NTAN1: variants seen among roughly 807,000 people sequenced by gnomAD.
NTAN1 encodes protein N-terminal asparagine amidohydrolase.
A neutral mutation model predicts 41.9 loss-of-function variants in NTAN1; 32 were observed. The ratio of observed to expected loss-of-function variants is 0.76; its 90% confidence interval spans 0.58 to 1.03. NTAN1 has a LOEUF of 1.03. Ranked by LOEUF, NTAN1 falls within the 50% of genes least tolerant of loss-of-function variation. The pLI, the probability that NTAN1 is intolerant of heterozygous loss-of-function variation, is 0.00. For missense variants in NTAN1, 377 were observed against 377.5 expected, an observed-to-expected ratio of 1.00 and a Z score of 0.01; for synonymous variants, 140 against 139.5, an observed-to-expected ratio of 1.00 and a Z score of -0.03.
Position 15,052,011 on chromosome 16 carries a change from TA to T in NTAN1, c.81+3879del, listed in dbSNP as rs879576261. ...TATGCTCTAGACACTAATATTTGCT[TA>T]AAAAAAAAAAAGCTTTTCCCTCAGT... On this transcript the variant is annotated intron_variant, in intron 1 of 9. Coordinates refer to ENST00000287706, the MANE Select transcript of NTAN1 (RefSeq NM_173474.4). Among the ~76,000 whole-genome samples the T allele has an allele frequency of 5.6e-3, 804 of 142,850 alleles. 3 individuals carry two copies. Among genetic ancestry groups the T allele is most frequent in the Middle Eastern group, 0.021 (6 of 280 alleles). 93.7% of individuals were successfully genotyped at this position (142,850 alleles called of 152,430 possible).
chr16:15,040,841 G>A (rs773546448), intron 7 of NTAN1, among the ~76,000 whole-genome samples: 8 of 152,132 alleles, frequency 5.3e-5, no homozygotes, highest in Admixed American at 3.9e-4. Context: ...TTGCTACCAC[G>A]TTGCTTCTTC....
At chr16:15,045,562 A>C (rs193115265) in intron 4 of NTAN1, 5 of 152,338 alleles carry the variant, frequency 3.3e-5, no homozygotes, top group African/African-American at 1.2e-4. Context: ...GCTTCAGCCC[A>C]GAAGTTTGAG....
chr16:15,056,049 G>A lies in NTAN1; in HGVS notation c.-78C>T, dbSNP rs943079880. 3 of 571,344 alleles carry A rather than the reference G, an allele frequency of 5.3e-6. No homozygotes were observed. Among genetic ancestry groups the A allele is most frequent in the African/African-American group, 4.0e-5 (2 of 49,588 alleles). 35.4% of individuals were successfully genotyped at this position (571,344 alleles called of 1,614,324 possible). ...CAGCCCCGGGCCGCCCGCCGCCCCCGCCCCTCGGGCCGCGCGTCCCGCCTC... is the reference window on the plus strand; with the variant it reads ...CAGCCCCGGGCCGCCCGCCGCCCCCACCCCTCGGGCCGCGCGTCCCGCCTC... On this transcript the variant is annotated 5_prime_UTR_variant, in exon 1 of 10. Transcript: ENST00000287706.
intron 1 of NTAN1, among the ~76,000 whole-genome samples, chr16:15,054,047 T>C (rs748998768): frequency 1.3e-5 from 2 of 152,236 alleles, no homozygotes; most frequent in Non-Finnish European, 2.9e-5. Flanking sequence ...GTAAGGTTAC[T>C]TTCCATGCTT....
Position 15,041,104 on chromosome 16 carries a change from C to T in NTAN1, c.505G>A (p.Glu169Lys). ...ATTACTGGAAAGTGGTTTTCGTTTT[C>T]TTCCCGGTCATTTAATTCTACAAAA... Reference protein sequence around the residue: ...LCVTELNDREENENHFPVIYG... With the variant: ...LCVTELNDREKNENHFPVIYG... Residue 169 changes from glutamate to lysine, a missense_variant, in exon 7 of 10, where the codon GAA becomes AAA. By Grantham distance (56) the Glu-to-Lys change is moderately conservative (BLOSUM62 1). Transcript: ENST00000287706. 1 of 1,582,758 alleles carries T rather than the reference C, an allele frequency of 6.3e-7. No homozygotes were observed. The highest frequency in any genetic ancestry group is 8.7e-7 in the Non-Finnish European group (1 of 1,151,344).
chr16:15,040,808 T>G (rs1344396742), intron 7 of NTAN1, among the ~76,000 whole-genome samples: 2 of 152,036 alleles, frequency 1.3e-5, no homozygotes, highest in African/African-American at 4.8e-5. Context: ...CTGGGAAGGG[T>G]GGGCATGGCC....
At position 15,055,921 on chromosome 16, in the gene NTAN1, C is replaced by G. The variant is rs1009773057; in HGVS notation, c.51G>C (p.Gly17=). The G allele has an allele frequency of 6.7e-5, 83 of 1,232,746 alleles. No homozygotes were observed. The highest frequency in any genetic ancestry group is 7.9e-5 in the Non-Finnish European group (78 of 987,666). The allele number at this position is 1,232,746 out of a possible 1,614,324, so 76.4% of individuals were successfully genotyped here. Residue 17 remains glycine (G), a synonymous_variant, in exon 1 of 10, where the codon GGG becomes GGC. Transcript: ENST00000287706. ...AAGGCGGGTGGGCTCGGACGAGGTC[C>G]CCGGCTGACTGCGGCAGCCGCACTC... The part of the protein sequence containing the change: ...GRRVRLPQSA[G]DLVRAHPPLE...
At chr16:15,046,833 C>T (rs967362456) in intron 4 of NTAN1, among the ~76,000 whole-genome samples, 8 of 151,604 alleles carry the variant, frequency 5.3e-5, no homozygotes, top group Admixed American at 2.0e-4. Flanking sequence ...TGAGATCACA[C>T]AACTGTGCTC....
At chr16:15,054,758 A>G (rs1168917453) in intron 1 of NTAN1, among the ~76,000 whole-genome samples, 1 of 152,170 alleles carries the variant, frequency 6.6e-6, no homozygotes, top group African/African-American at 2.4e-5. Context: ...ACCGTCCTAC[A>G]CTCTGAGGAT....
chr16:15,045,281 G>C (rs1294199586), intron 4 of NTAN1: 2 of 151,868 alleles, frequency 1.3e-5, no homozygotes, highest in African/African-American at 4.8e-5. Flanking sequence ...CTGGGCAATC[G>C]AGCAAGACTC....
intron 5 of NTAN1, 23 bp from the exon 6 acceptor site, chr16:15,041,699 A>G (rs367642054): frequency 3.2e-6 from 5 of 1,582,604 alleles, no homozygotes; most frequent in Non-Finnish European, 4.3e-6. Context: ...TTTTAAGACC[A>G]GAAGTCAGAA....
At chr16:15,047,646 T>G in intron 3 of NTAN1, 96 bp from the exon 4 acceptor site, 1 of 1,009,484 alleles carries the variant, frequency 9.9e-7, no homozygotes. Context: ...GCCTCATCTT[T>G]GAATATCCTG....
chr16:15,044,343 G>C lies in NTAN1; in HGVS notation c.424C>G (p.Gln142Glu). ...DRQLSQKLTH[Q>E]LLSEFDRQED... The stretch of plus-strand genomic sequence containing the variant: ...AAAAAAATGAACTTACTAAGAAGTT[G>C]ATGAGTGAGTTTTTGTGACAACTGC... The change falls in exon 5 of 10, where the codon CAA becomes GAA. Residue 142 changes from glutamine (Q) to glutamate (E), a missense_variant. Gln to Glu is a conservative substitution (Grantham distance 29). Coordinates refer to ENST00000287706, the MANE Select transcript of NTAN1 (RefSeq NM_173474.4). 6.2e-7 allele frequency: 1 copy of C among 1,606,246 alleles called. No individual in the cohort carries two copies. The highest frequency in any genetic ancestry group is 8.5e-7 in the Non-Finnish European group (1 of 1,172,976).
rs1033649420 is a variant in NTAN1, at chr16:15,056,040, G to A, written c.-69C>T. On this transcript the variant is annotated 5_prime_UTR_variant, in exon 1 of 10. Transcript: ENST00000287706. ...CCCGCTTTGCAGCCCCGGGCCGCCC[G>A]CCGCCCCCGCCCCTCGGGCCGCGCG... is the stretch of plus-strand genomic sequence containing the variant. 1.6e-5 allele frequency: 11 copies of A among 676,956 alleles called. No individual in the cohort carries two copies. The highest frequency in any genetic ancestry group is 7.7e-5 in the African/African-American group (4 of 51,758). The allele number at this position is 676,956 out of a possible 1,614,324, so 41.9% of individuals were successfully genotyped here.
chr16:15,047,469 G>C lies in NTAN1; in HGVS notation c.332C>G (p.Ser111Cys), dbSNP rs751587625. Residue 111 changes from serine (S) to cysteine (C), a missense_variant, in exon 4 of 10, where the codon TCC (serine) becomes TGC (cysteine). Transcript: ENST00000287706. ...EVPLIMNSIK[S>C]FSDHAQCGRL... ...TCCACATTGAGCGTGGTCAGAAAAG[G>C]ATTTTATGGAGTTCATGATCAAGGG... is the stretch of plus-strand genomic sequence containing the variant. 1 of 1,612,830 alleles carries C rather than the reference G, an allele frequency of 6.2e-7. No individual in the cohort carries two copies. Among genetic ancestry groups the C allele is most frequent in the Non-Finnish European group, 8.5e-7 (1 of 1,178,774 alleles).
At chr16:15,039,197 C>G (rs1053283532) in intron 8 of NTAN1, among the ~76,000 whole-genome samples, 5 of 152,202 alleles carry the variant, frequency 3.3e-5, no homozygotes, top group African/African-American at 1.2e-4. Flanking sequence ...CTCAGCTTAC[C>G]TAGCAATATT....
In NTAN1 at chr16:15,038,084, A is replaced by AGAGT; in HGVS notation, c.876_879dup (p.Tyr294ThrfsTer6). On this transcript the variant is annotated frameshift_variant, in exon 10 of 10. Coordinates refer to ENST00000287706, the MANE Select transcript of NTAN1 (RefSeq NM_173474.4). LOFTEE classifies it high-confidence loss of function. ...CACAAGCCATCTTCATTTTTTTTGT[A>AGAGT]GAGTAGGGCTTTATTTCCAGAAAAC... 6.2e-7 allele frequency: 1 copy of AGAGT among 1,612,226 alleles called. No homozygotes were observed. Among genetic ancestry groups the AGAGT allele is most frequent in the Non-Finnish European group, 8.5e-7 (1 of 1,179,046 alleles).
intron 4 of NTAN1, chr16:15,046,108 TG>T (rs2044049747): frequency 6.6e-6 from 1 of 152,374 alleles, no homozygotes; most frequent in Non-Finnish European, 1.5e-5. Flanking sequence ...TACGTCCCCC[TG>T]CGGGGGCCAA....
chr16:15,041,084 T>C lies in NTAN1; in HGVS notation c.525A>G (p.Pro175=). Reference sequence around the variant, plus strand: ...ACTACTTACCAATGCCATATATTACTGGAAAGTGGTTTTCGTTTTCTTCCC... The same window carrying C: ...ACTACTTACCAATGCCATATATTACCGGAAAGTGGTTTTCGTTTTCTTCCC... ...NDREENENHF[P]VIYGIAVNIK... is the part of the protein sequence containing the mutation. Residue 175 remains proline, a synonymous_variant, in exon 7 of 10, where the codon CCA becomes CCG. Coordinates refer to ENST00000287706, the MANE Select transcript of NTAN1 (RefSeq NM_173474.4). The C allele has an allele frequency of 6.2e-7, 1 of 1,601,232 alleles. No homozygotes were observed. The highest frequency in any genetic ancestry group is 8.6e-7 in the Non-Finnish European group (1 of 1,168,118).
Sources: allele counts gnomAD v4.1 joint callset (sites outside exome capture counted in the v4.1 genomes callset), GRCh38; gene constraint gnomAD v4.1.1; transcripts MANE v1.5; gene names NCBI Gene and HGNC (gene_info 2026-07-23, HGNC 2026-07-21).